ULK4: variants seen among roughly 807,000 people sequenced by gnomAD.
The protein encoded by ULK4 is inactive serine/threonine-protein kinase ULK4.
ULK4 carries 133 observed loss-of-function variants against 160.6 expected under a neutral mutation model. The observed-to-expected ratio is 0.83, with a 90% confidence interval of 0.72 to 0.96. The LOEUF is 0.96. Ranked by LOEUF, ULK4 falls within the 40% of genes least tolerant of loss-of-function variation. The probability of loss-of-function intolerance (pLI) is 0.00; values close to 1 mark genes in which losing one functional copy is unlikely to be tolerated. For missense variants in ULK4, 1,580 were observed against 1,499.5 expected, an observed-to-expected ratio of 1.05 and a Z score of -0.89; for synonymous variants, 534 against 539.8, an observed-to-expected ratio of 0.99 and a Z score of 0.15.
chr3:41,937,813 TTTTA>T (rs1209744868), intron 3 of ULK4: 2 of 231,256 alleles, frequency 8.6e-6, no homozygotes, highest in South Asian at 1.7e-4. Flanking sequence ...AAATGTTTGT[TTTTA>T]TTTATTGGGA....
intron 31 of ULK4, among the ~76,000 whole-genome samples, chr3:41,615,051 G>A (rs1026475593): frequency 2.0e-5 from 3 of 152,190 alleles, no homozygotes; most frequent in African/African-American, 7.2e-5. Context: ...CTAATTCATA[G>A]ATCTGTATTT....
intron 35 of ULK4, among the ~76,000 whole-genome samples, chr3:41,389,028 C>G (rs374817504): frequency 0.066 from 9,995 of 150,794 alleles, 821 homozygotes; most frequent in African/African-American, 0.19. Flanking sequence ...TCTTCCATTT[C>G]TTTGTATCCT....
At chr3:41,912,749 G>A in intron 9 of ULK4, 58 bp downstream of exon 9, 1 of 1,438,652 alleles carries the variant, frequency 7.0e-7, no homozygotes, top group Non-Finnish European at 9.7e-7. Flanking sequence ...ATTTAGAACA[G>A]TAATGGGCTT....
intron 35 of ULK4, among the ~76,000 whole-genome samples, chr3:41,279,681 A>G (rs2079312245): frequency 6.6e-6 from 1 of 152,254 alleles, no homozygotes; most frequent in Non-Finnish European, 1.5e-5. Flanking sequence ...AAGAATTTTC[A>G]ATCCAGAAAT....
intron 31 of ULK4, among the ~76,000 whole-genome samples, 180 bp from the exon 32 acceptor site, chr3:41,566,310 G>A (rs1001843906): frequency 2.0e-5 from 3 of 152,170 alleles, no homozygotes; most frequent in African/African-American, 4.8e-5. Context: ...TGAGTTAAGT[G>A]AGCTGGGAGG....
intron 2 of ULK4, among the ~76,000 whole-genome samples, chr3:41,943,083 G>A (rs1173695016): frequency 6.6e-6 from 1 of 151,390 alleles, no homozygotes; most frequent in African/African-American, 2.4e-5. Context: ...CATGGTGGTG[G>A]GCACCTGTAG....
chr3:41,641,320 C>T (rs56305811), intron 30 of ULK4, among the ~76,000 whole-genome samples: 9,314 of 152,138 alleles, frequency 0.061, 959 homozygotes, highest in African/African-American at 0.21. Flanking sequence ...TAAGACTGTG[C>T]ATATTAGTAG....
chr3:41,824,219 T>A (rs2041255905), intron 18 of ULK4, among the ~76,000 whole-genome samples: 2 of 149,220 alleles, frequency 1.3e-5, no homozygotes, highest in Admixed American at 1.3e-4. Flanking sequence ...ACAGCTCCAG[T>A]CTACAGCTCC....
intron 35 of ULK4, among the ~76,000 whole-genome samples, chr3:41,303,186 CAG>C (rs1250190925): frequency 2.0e-5 from 3 of 152,130 alleles, no homozygotes; most frequent in African/African-American, 7.2e-5. Flanking sequence ...ACGCTTTTCT[CAG>C]AGTTTGGACA....
At chr3:41,517,998 C>T (rs1237141166) in intron 32 of ULK4, among the ~76,000 whole-genome samples, 2 of 152,144 alleles carry the variant, frequency 1.3e-5, no homozygotes, top group African/African-American at 4.8e-5. Context: ...TTTAAGGGAA[C>T]AACCCAAATC....
chr3:41,754,921 G>T (rs2038748119), intron 21 of ULK4, among the ~76,000 whole-genome samples: 1 of 152,064 alleles, frequency 6.6e-6, no homozygotes, highest in Non-Finnish European at 1.5e-5. Context: ...CATACCTCTA[G>T]TCTACACATC....
chr3:41,835,893 C>A lies in ULK4; in HGVS notation c.1735G>T (p.Gly579Trp). The A allele has an allele frequency of 6.2e-7, 1 of 1,612,552 alleles. No homozygotes were observed. ...KLKQCLLPTL[G>W]ELIYLVATQE... ...GTGGCTACAAGATAGATCAGCTCCC[C>A]AAGGGTTGGTAAAAGGCACTGTTTT... The change falls in exon 18 of 37, where the codon GGG becomes TGG. Residue 579 changes from glycine (G) to tryptophan (W), a missense_variant. By Grantham distance (184) the Gly-to-Trp change is radical. Coordinates refer to ENST00000301831, the MANE Select transcript of ULK4 (RefSeq NM_017886.4).
chr3:41,614,773 C>T lies in ULK4; in HGVS notation c.3120+896G>A, dbSNP rs75755963. Reference sequence around the variant, plus strand: ...CCATATGGACATGACAGCACACAAACGATTTATAGAATAATATTTTAAGAT... The same window carrying T: ...CCATATGGACATGACAGCACACAAATGATTTATAGAATAATATTTTAAGAT... On this transcript the variant is annotated intron_variant, in intron 31 of 36. Coordinates refer to ENST00000301831, the MANE Select transcript of ULK4 (RefSeq NM_017886.4). 3.7e-4 allele frequency among the ~76,000 whole-genome samples: 57 copies of T among 152,236 alleles called. No homozygotes were observed. The East Asian group carries it at 0.01, about 27-fold the overall frequency.
chr3:41,661,246 G>A lies in ULK4; in HGVS notation c.3071+2361C>T, dbSNP rs559938772. 2.0e-4 allele frequency among the ~76,000 whole-genome samples: 31 copies of A among 152,126 alleles called. No homozygotes were observed. In the South Asian group the frequency reaches 5.0e-3, roughly 24 times the overall value. Reference sequence around the variant, plus strand: ...CATTCATTAGTTTGGCAAAGATATTGGCAAGAGTATGAATAAATATGATAT... The same window carrying A: ...CATTCATTAGTTTGGCAAAGATATTAGCAAGAGTATGAATAAATATGATAT... On this transcript the variant is annotated intron_variant, in intron 30 of 36. Coordinates refer to ENST00000301831, the MANE Select transcript of ULK4 (RefSeq NM_017886.4).
intron 35 of ULK4, among the ~76,000 whole-genome samples, chr3:41,275,079 G>C (rs1369691512): frequency 3.3e-5 from 5 of 152,304 alleles, no homozygotes; most frequent in East Asian, 3.9e-4. Context: ...ATCCTCATGA[G>C]AAAGACACAG....
rs530758951 is a variant in ULK4, at chr3:41,549,345, T to C, written c.3226+16680A>G. ...GAGAATTTCAACAAAGAGACAGCTG[T>C]CATTAAGTAGGACCAAACAGAAAAT... On this transcript the variant is annotated intron_variant, in intron 32 of 36. Coordinates refer to ENST00000301831, the MANE Select transcript of ULK4 (RefSeq NM_017886.4). Among the ~76,000 whole-genome samples, 8 of 152,202 alleles carry C rather than the reference T, an allele frequency of 5.3e-5. No individual in the cohort carries two copies. The East Asian group carries it at 1.5e-3, about 29-fold the overall frequency.
chr3:41,657,817 T>TAAAAAAAAAAAAA (rs1294739642), intron 30 of ULK4, among the ~76,000 whole-genome samples: 1 of 27,392 alleles, frequency 3.7e-5, no homozygotes, highest in Non-Finnish European at 5.9e-5. Context: ...CTCCATCTCA[T>TAAAAAAAAAAAAA]TAAAAAAAAA....
At chr3:41,355,278 G>A (rs188753228) in intron 35 of ULK4, among the ~76,000 whole-genome samples, 84 of 152,158 alleles carry the variant, frequency 5.5e-4, no homozygotes, top group Non-Finnish European at 9.9e-4. Context: ...CTTTTGGTCC[G>A]CCCACATCTA....
chr3:41,291,959 T>C (rs767269568), intron 35 of ULK4, among the ~76,000 whole-genome samples: 1 of 151,516 alleles, frequency 6.6e-6, no homozygotes, highest in Non-Finnish European at 1.5e-5. Flanking sequence ...GCCTTCCGAG[T>C]AGCTGGGACT....
Sources: allele counts gnomAD v4.1 joint callset (sites outside exome capture counted in the v4.1 genomes callset), GRCh38; gene constraint gnomAD v4.1.1; transcripts MANE v1.5; gene names NCBI Gene and HGNC (gene_info 2026-07-23, HGNC 2026-07-21).